Variants in CHLSN observed in about 807,000 individuals in gnomAD.
CHLSN encodes the protein protein cholesin.
chr7:1,054,769 T>C, the CHLSN span, among the ~76,000 whole-genome samples: 1 of 152,314 alleles, frequency 6.6e-6, no homozygotes, highest in East Asian at 1.9e-4. Context: ...GCTCAGCTTT[T>C]CTCTGGCCAT....
At chr7:1,092,332 G>A in the CHLSN span, 14 of 1,611,162 alleles carry the variant, frequency 8.7e-6, no homozygotes, top group South Asian at 1.1e-4. Context: ...GCAGCACACC[G>A]ACGAGGCCTG....
the CHLSN span, among the ~76,000 whole-genome samples, chr7:1,116,395 C>T: frequency 1.4e-5 from 2 of 141,682 alleles, no homozygotes; most frequent in East Asian, 4.8e-4. Flanking sequence ...GACGCCCACG[C>T]AGGATGATGA....
the CHLSN span, among the ~76,000 whole-genome samples, chr7:1,005,005 G>C: frequency 4.6e-5 from 7 of 152,170 alleles, no homozygotes; most frequent in Non-Finnish European, 1.0e-4. Context: ...TTAAAAAAAA[G>C]CAGGGGCGGC....
At chr7:1,093,228 C>T in the CHLSN span, 1 of 491,244 alleles carries the variant, frequency 2.0e-6, no homozygotes, top group Non-Finnish European at 4.2e-6. Flanking sequence ...GGAGAGGCCA[C>T]TGTGGGTGAA....
the CHLSN span, chr7:983,297 C>T: frequency 5.2e-6 from 8 of 1,542,404 alleles, no homozygotes; most frequent in African/African-American, 1.4e-5. Context: ...TCCCCAGCTG[C>T]CCGGTGGCCC....
chr7:1,021,398 C>T, the CHLSN span: 1,230 of 985,456 alleles, frequency 1.2e-3, 14 homozygotes, highest in African/African-American at 0.02. Flanking sequence ...AGTGACTGAA[C>T]CAGAGTCGGA....
At chr7:1,033,635 A>G in the CHLSN span, among the ~76,000 whole-genome samples, 1 of 152,198 alleles carries the variant, frequency 6.6e-6, no homozygotes, top group Non-Finnish European at 1.5e-5. Flanking sequence ...GGTCAAACCA[A>G]CTGATGCAGG....
the CHLSN span, among the ~76,000 whole-genome samples, chr7:987,922 C>T: frequency 1.4e-5 from 2 of 144,814 alleles, no homozygotes; most frequent in South Asian, 2.2e-4. Context: ...CTGGGGATCC[C>T]CTGTGTGTCC....
chr7:1,010,685 G>A, the CHLSN span, among the ~76,000 whole-genome samples: 19 of 152,256 alleles, frequency 1.2e-4, no homozygotes, highest in South Asian at 1.0e-3. Flanking sequence ...GAGAGGGCCC[G>A]CTGTGACAAT....
the CHLSN span, among the ~76,000 whole-genome samples, chr7:1,024,214 C>T: frequency 6.6e-6 from 1 of 152,182 alleles, no homozygotes; most frequent in Non-Finnish European, 1.5e-5. Context: ...TTCCTAAAAA[C>T]CCTGCAGCTT....
At chr7:1,064,525 A>G in the CHLSN span, among the ~76,000 whole-genome samples, 1 of 152,182 alleles carries the variant, frequency 6.6e-6, no homozygotes, top group African/African-American at 2.4e-5. Context: ...GCCTAAACGC[A>G]ACACCCTGAC....
At chr7:988,950 C>T in the CHLSN span, 53 of 630,340 alleles carry the variant, frequency 8.4e-5, no homozygotes, top group Admixed American at 2.4e-4. Context: ...CCCTCACCCC[C>T]ACCCCCACAG....
At chr7:1,058,519 C>T in the CHLSN span, 21 of 776,518 alleles carry the variant, frequency 2.7e-5, no homozygotes, top group Admixed American at 1.2e-4. Flanking sequence ...CTGGCGTAGG[C>T]GGCCCAGCCC....
chr7:1,074,644 T>C, the CHLSN span: 1 of 152,186 alleles, frequency 6.6e-6, no homozygotes, highest in Admixed American at 6.5e-5. Context: ...AACACTGCTG[T>C]GCAAGAACCT....
At chr7:1,105,342 C>T in the CHLSN span, among the ~76,000 whole-genome samples, 6 of 152,340 alleles carry the variant, frequency 3.9e-5, no homozygotes, top group African/African-American at 7.2e-5. Context: ...GTTCTGCCGC[C>T]GGCCGGCTGT....
the CHLSN span, among the ~76,000 whole-genome samples, chr7:1,021,767 G>A: frequency 1.1e-4 from 17 of 152,200 alleles, 1 homozygote; most frequent in Non-Finnish European, 2.9e-5. Flanking sequence ...CACAAACAGC[G>A]CACTAAAAGA....
chr7:1,100,467 C>G, the CHLSN span, among the ~76,000 whole-genome samples: 2 of 152,248 alleles, frequency 1.3e-5, no homozygotes, highest in Non-Finnish European at 2.9e-5. Context: ...GCGTGCGGCC[C>G]ATCTCCGCGG....
the CHLSN span, chr7:1,057,508 C>T: frequency 5.0e-4 from 382 of 761,150 alleles, 1 homozygote; most frequent in East Asian, 6.9e-3. Context: ...GGAGCCTCGC[C>T]GGCCGCCATG....
chr7:1,073,394 G>C, the CHLSN span, among the ~76,000 whole-genome samples: 16 of 152,052 alleles, frequency 1.1e-4, no homozygotes, highest in African/African-American at 3.9e-4. Flanking sequence ...CAGCTCCTCC[G>C]GCGCCCCAGC....
Sources: allele counts gnomAD v4.1 joint callset (sites outside exome capture counted in the v4.1 genomes callset), GRCh38; gene constraint gnomAD v4.1.1; transcripts MANE v1.5; gene names NCBI Gene and HGNC (gene_info 2026-07-23, HGNC 2026-07-21).